The following FHOD3 variants were observed in gnomAD, a reference collection of about 807,000 sequenced individuals.
FHOD3 encodes the protein formin homology 2 domain containing 3.
Under a neutral mutation model 173.0 loss-of-function variants are expected in FHOD3, and 90 were observed. The ratio of observed to expected loss-of-function variants is 0.52; its 90% confidence interval spans 0.44 to 0.62. FHOD3 has a LOEUF of 0.62. Among genes scored for constraint, FHOD3 ranks in the 20% least tolerant of loss-of-function variants. FHOD3 has a pLI of 0.00. For synonymous variants in FHOD3, 828 were observed against 823.0 expected (o/e 1.01, Z -0.10); for missense variants, 1,945 against 2,034.7 (o/e 0.96, Z 0.85).
Position 36,762,191 on chromosome 18 carries a change from A to G in FHOD3, c.4624+1409A>G, listed in dbSNP as rs376753225. On this transcript the variant is annotated intron_variant, in intron 27 of 28. Transcript: ENST00000590592. ...TAACGGTAGTAATGATAAATTCAAC[A>G]TAATGGAAAAAATAAATGCAGCTTT... 1.3e-4 allele frequency among the ~76,000 whole-genome samples: 20 copies of G among 152,346 alleles called. No homozygotes were observed. The South Asian group carries it at 3.3e-3, about 25-fold the overall frequency.
chr18:36,397,164 T>G (rs993129650), intron 3 of FHOD3, among the ~76,000 whole-genome samples: 1 of 152,202 alleles, frequency 6.6e-6, no homozygotes, highest in African/African-American at 2.4e-5. Context: ...AGCATTAGAT[T>G]GGTCAATACC....
intron 1 of FHOD3, among the ~76,000 whole-genome samples, chr18:36,337,700 C>T (rs996054547): frequency 2.0e-5 from 3 of 152,144 alleles, no homozygotes; most frequent in South Asian, 4.1e-4. Flanking sequence ...TACATGGATG[C>T]CTGTGGATTT....
chr18:36,646,628 G>A (rs985045841), intron 10 of FHOD3, among the ~76,000 whole-genome samples: 9 of 152,194 alleles, frequency 5.9e-5, no homozygotes, highest in African/African-American at 1.4e-4. Context: ...GGCCAATTGC[G>A]TATCGATGTA....
chr18:36,740,579 T>A, intron 20 of FHOD3, 77 bp from the exon 21 acceptor site: 1 of 1,324,010 alleles, frequency 7.6e-7, no homozygotes, highest in Non-Finnish European at 1.0e-6. Flanking sequence ...AATTATAATA[T>A]GAATTTTATA....
At chr18:36,437,103 G>A (rs1412074064) in intron 3 of FHOD3, among the ~76,000 whole-genome samples, 1 of 152,082 alleles carries the variant, frequency 6.6e-6, no homozygotes, top group African/African-American at 2.4e-5. Context: ...ATGAGTATTA[G>A]CTTTTTTGCT....
Position 36,372,755 on chromosome 18 carries a change from C to A in FHOD3, c.337+11C>A, listed in dbSNP as rs1341113560. 2 of 1,612,246 alleles carry A rather than the reference C, an allele frequency of 1.2e-6. No individual in the cohort carries two copies. Among genetic ancestry groups the A allele is most frequent in the Middle Eastern group, 1.7e-4 (1 of 6,056 alleles). Reference sequence around the variant, plus strand: ...TCCATGCCTGCATCGGTGAGTGACACCTGCCCTCAGGAACTAAACATATGA... The same window carrying A: ...TCCATGCCTGCATCGGTGAGTGACAACTGCCCTCAGGAACTAAACATATGA... On this transcript the variant is annotated intron_variant, in intron 3 of 28. Coordinates refer to ENST00000590592, the MANE Select transcript of FHOD3 (RefSeq NM_001281740.3).
At chr18:36,464,563 A>C (rs977216536) in intron 3 of FHOD3, among the ~76,000 whole-genome samples, 1 of 152,164 alleles carries the variant, frequency 6.6e-6, no homozygotes, top group African/African-American at 2.4e-5. Flanking sequence ...AATTCCATCA[A>C]CTAACACTTA....
At chr18:36,717,716 G>T in intron 18 of FHOD3, 116 bp from the exon 19 acceptor site, 1 of 1,459,166 alleles carries the variant, frequency 6.9e-7, no homozygotes, top group Non-Finnish European at 9.0e-7. Flanking sequence ...GACTGCTCAT[G>T]CAGTGTCTTC....
intron 4 of FHOD3, 123 bp from the exon 5 acceptor site, chr18:36,512,315 C>T (rs1025988728): frequency 5.6e-6 from 4 of 713,546 alleles, no homozygotes; most frequent in African/African-American, 1.7e-5. Flanking sequence ...CATTTGAATA[C>T]AGCAGAGCAA....
At chr18:36,404,669 C>T (rs1011888845) in intron 3 of FHOD3, among the ~76,000 whole-genome samples, 1 of 152,058 alleles carries the variant, frequency 6.6e-6, no homozygotes, top group South Asian at 2.1e-4. Flanking sequence ...GTCATCAGTT[C>T]GTGCAATTCT....
At chr18:36,367,189 A>T (rs1158971850) in intron 2 of FHOD3, among the ~76,000 whole-genome samples, 1 of 152,192 alleles carries the variant, frequency 6.6e-6, no homozygotes, top group African/African-American at 2.4e-5. Flanking sequence ...AGAAGGCAGG[A>T]TGTTTCAGAA....
intron 26 of FHOD3, 94 bp downstream of exon 26, chr18:36,759,235 C>A: frequency 1.5e-6 from 2 of 1,327,682 alleles, no homozygotes; most frequent in East Asian, 2.5e-5. Flanking sequence ...GTGTCAGCAC[C>A]ATTCAGTGCT....
chr18:36,512,935 C>T (rs1483699123), intron 5 of FHOD3, among the ~76,000 whole-genome samples: 1 of 152,148 alleles, frequency 6.6e-6, no homozygotes, highest in African/African-American at 2.4e-5. Context: ...AACATTTTCT[C>T]CCAATTTGAG....
At chr18:36,707,922 T>G (rs1310766018) in intron 17 of FHOD3, among the ~76,000 whole-genome samples, 1 of 151,918 alleles carries the variant, frequency 6.6e-6, no homozygotes, top group Non-Finnish European at 1.5e-5. Flanking sequence ...TCCAGAAGAG[T>G]GGGCTTTGCT....
intron 5 of FHOD3, among the ~76,000 whole-genome samples, chr18:36,572,630 A>G (rs1206696286): frequency 6.6e-6 from 1 of 152,132 alleles, no homozygotes; most frequent in East Asian, 1.9e-4. Context: ...TGTTGCGGGG[A>G]ACAGATCAAG....
chr18:36,645,851 T>C (rs191444170), intron 10 of FHOD3, among the ~76,000 whole-genome samples: 139 of 152,230 alleles, frequency 9.1e-4, no homozygotes, highest in African/African-American at 3.2e-3. Flanking sequence ...AAAAATCATA[T>C]GATTATCTTA....
chr18:36,574,115 A>C (rs982075415), intron 5 of FHOD3, among the ~76,000 whole-genome samples: 3 of 152,140 alleles, frequency 2.0e-5, no homozygotes, highest in Non-Finnish European at 1.5e-5. Context: ...AATACCTATA[A>C]AGTCCCTCTG....
intron 8 of FHOD3, 71 bp from the exon 9 acceptor site, chr18:36,611,881 T>C (rs201884191): frequency 6.8e-7 from 1 of 1,472,980 alleles, no homozygotes; most frequent in East Asian, 2.3e-5. Flanking sequence ...GATTAGGCAT[T>C]GGAAAATGCC....
At chr18:36,733,268 A>G (rs1459551209) in intron 20 of FHOD3, among the ~76,000 whole-genome samples, 1 of 152,166 alleles carries the variant, frequency 6.6e-6, no homozygotes, top group Non-Finnish European at 1.5e-5. Context: ...TCTCTTTTCT[A>G]TAATATCCTC....
Sources: allele counts gnomAD v4.1 joint callset (sites outside exome capture counted in the v4.1 genomes callset), GRCh38; gene constraint gnomAD v4.1.1; transcripts MANE v1.5; gene names NCBI Gene and HGNC (gene_info 2026-07-23, HGNC 2026-07-21).